Variants in KALRN observed in about 807,000 individuals in gnomAD.
KALRN encodes kalirin RhoGEF kinase.
A neutral mutation model predicts 353.7 loss-of-function variants in KALRN; 70 were observed. The observed-to-expected ratio is 0.20, with a 90% CI of 0.16 to 0.24. The LOEUF (loss-of-function observed/expected upper bound fraction) is 0.24, where lower values mean the gene tolerates loss of function less well. Among genes scored for constraint, KALRN ranks in the 10% least tolerant of loss-of-function variants. The probability of loss-of-function intolerance (pLI) is 1.00; values close to 1 mark genes in which losing one functional copy is unlikely to be tolerated. For synonymous variants in KALRN, 1,391 were observed against 1,434.8 expected, an observed-to-expected ratio of 0.97 and a Z score of 0.69; for missense variants, 2,791 against 3,756.7, an observed-to-expected ratio of 0.74 and a Z score of 6.72.
intron 34 of KALRN, among the ~76,000 whole-genome samples, chr3:124,566,869 CT>C (rs1217291030): frequency 1.3e-5 from 2 of 152,146 alleles, no homozygotes; most frequent in Non-Finnish European, 2.9e-5. Flanking sequence ...GAATCAATTC[CT>C]TTTTCAATTC....
chr3:124,455,448 TC>T, intron 22 of KALRN, 89 bp downstream of exon 22: 1 of 1,316,316 alleles, frequency 7.6e-7, no homozygotes, highest in Non-Finnish European at 1.0e-6. Flanking sequence ...AAAGCATGTT[TC>T]CAGAGCAGTT....
At chr3:124,137,146 C>T (rs1209155330) in intron 1 of KALRN, among the ~76,000 whole-genome samples, 2 of 152,160 alleles carry the variant, frequency 1.3e-5, no homozygotes, top group Non-Finnish European at 2.9e-5. Flanking sequence ...GTTACCTGGA[C>T]ACTGGAGTCG....
intron 1 of KALRN, among the ~76,000 whole-genome samples, chr3:124,166,155 C>T (rs2070817549): frequency 6.6e-6 from 1 of 152,170 alleles, no homozygotes; most frequent in Non-Finnish European, 1.5e-5. Context: ...CCCAGCGTCA[C>T]ACCCCATCCC....
intron 37 of KALRN, among the ~76,000 whole-genome samples, chr3:124,642,329 A>G (rs1265885756): frequency 6.6e-6 from 1 of 151,840 alleles, no homozygotes; most frequent in Non-Finnish European, 1.5e-5. Flanking sequence ...AGAGATAGAA[A>G]AGAAAAGAAA....
chr3:124,082,240 T>C lies in KALRN; in HGVS notation c.73+48427T>C, dbSNP rs1480110847. 7 of 470,692 alleles carry C rather than the reference T, an allele frequency of 1.5e-5. No homozygotes were observed. In the East Asian group the frequency reaches 4.9e-4, roughly 33 times the overall value. The allele number at this position is 470,692 out of a possible 1,614,324, so 29.2% of individuals were successfully genotyped here. A position where few individuals can be genotyped will look rare whatever the true frequency, so the allele number is the denominator to read the frequency against. On this transcript the variant is annotated intron_variant, in intron 1 of 59. Transcript: ENST00000682506. ...TTCATTGAGGAAAAGTTCTTGTGTTTCCTCATTTTTAGGGCAACTAGTATG... is the reference window on the plus strand; with the variant it reads ...TTCATTGAGGAAAAGTTCTTGTGTTCCCTCATTTTTAGGGCAACTAGTATG...
intron 34 of KALRN, among the ~76,000 whole-genome samples, chr3:124,592,493 C>T (rs2075899219): frequency 6.6e-6 from 1 of 151,622 alleles, no homozygotes; most frequent in African/African-American, 2.4e-5. Context: ...CTTGCCTGTG[C>T]CTTGACTTTG....
At chr3:124,322,162 A>G (rs186405654) in intron 6 of KALRN, among the ~76,000 whole-genome samples, 38 of 152,302 alleles carry the variant, frequency 2.5e-4, no homozygotes, top group Non-Finnish European at 2.9e-5. Context: ...TCCTCACACT[A>G]CTGGGCAGTG....
intron 34 of KALRN, among the ~76,000 whole-genome samples, chr3:124,584,490 G>T (rs9834127): frequency 0.018 from 2,744 of 152,306 alleles, 73 homozygotes; most frequent in African/African-American, 0.061. Context: ...GGTGCCAAGG[G>T]CTCAAACTCC....
At chr3:124,044,020 G>C (rs1047356003) in intron 1 of KALRN, among the ~76,000 whole-genome samples, 7 of 152,082 alleles carry the variant, frequency 4.6e-5, no homozygotes, top group Admixed American at 1.3e-4. Flanking sequence ...TCCAGTTTCC[G>C]TAGTGTCTCT....
intron 33 of KALRN, among the ~76,000 whole-genome samples, chr3:124,505,235 G>T (rs2065076133): frequency 2.6e-5 from 4 of 152,186 alleles, no homozygotes. Context: ...GGGAAATTTT[G>T]TTCTTCAAAA....
intron 1 of KALRN, among the ~76,000 whole-genome samples, chr3:124,134,148 C>T (rs1578428130): frequency 6.6e-6 from 1 of 152,134 alleles, no homozygotes; most frequent in Non-Finnish European, 1.5e-5. Context: ...AGGCTATAGT[C>T]ACCAAAACAG....
At chr3:124,364,287 G>C (rs990716101) in intron 10 of KALRN, among the ~76,000 whole-genome samples, 4 of 152,220 alleles carry the variant, frequency 2.6e-5, no homozygotes, top group African/African-American at 9.6e-5. Flanking sequence ...CTTGGCCTGT[G>C]AATGTCAGGA....
chr3:124,133,979 A>G (rs2065619407), intron 1 of KALRN, among the ~76,000 whole-genome samples: 1 of 152,194 alleles, frequency 6.6e-6, no homozygotes, highest in Non-Finnish European at 1.5e-5. Context: ...AATTCAATGC[A>G]ATCCCCATCA....
At chr3:124,377,633 G>A (rs2086769333) in intron 10 of KALRN, among the ~76,000 whole-genome samples, 1 of 152,042 alleles carries the variant, frequency 6.6e-6, no homozygotes, top group South Asian at 2.1e-4. Flanking sequence ...ATTACTGAGA[G>A]GGGGCATAGA....
chr3:124,613,368 T>C (rs1194072418), intron 34 of KALRN, among the ~76,000 whole-genome samples: 1 of 152,192 alleles, frequency 6.6e-6, no homozygotes, highest in Non-Finnish European at 1.5e-5. Context: ...AGTGCCCCTT[T>C]CTCTAGCAGC....
At chr3:124,205,402 T>A (rs1404305536) in intron 1 of KALRN, among the ~76,000 whole-genome samples, 2 of 152,218 alleles carry the variant, frequency 1.3e-5, no homozygotes, top group Admixed American at 6.5e-5. Flanking sequence ...CTCTCGCAGC[T>A]CCTACTTGAC....
At chr3:124,109,683 T>A (rs984448996) in intron 1 of KALRN, among the ~76,000 whole-genome samples, 2 of 148,610 alleles carry the variant, frequency 1.3e-5, no homozygotes, top group Admixed American at 6.6e-5. Context: ...GATATACATA[T>A]CATATATATA....
chr3:124,236,145 G>GTT (rs1012616844), intron 3 of KALRN, among the ~76,000 whole-genome samples: 2 of 137,106 alleles, frequency 1.5e-5, no homozygotes, highest in Non-Finnish European at 3.0e-5. Context: ...AATAGTGTCT[G>GTT]TTTTTTTTTT....
chr3:124,266,140 C>CA (rs1372418388), intron 4 of KALRN, among the ~76,000 whole-genome samples: 1 of 151,622 alleles, frequency 6.6e-6, no homozygotes, highest in Non-Finnish European at 1.5e-5. Flanking sequence ...AACAAACAAA[C>CA]AAAAAAACAA....
Sources: allele counts gnomAD v4.1 joint callset (sites outside exome capture counted in the v4.1 genomes callset), GRCh38; gene constraint gnomAD v4.1.1; transcripts MANE v1.5; gene names NCBI Gene and HGNC (gene_info 2026-07-23, HGNC 2026-07-21).